The following CFAP77 variants were observed in gnomAD, a reference collection of about 807,000 sequenced individuals.
CFAP77 encodes cilia- and flagella-associated protein 77.
In CFAP77, 25 loss-of-function variants were observed where a neutral mutation model predicts 31.1. The ratio of observed to expected loss-of-function variants is 0.80; its 90% CI spans 0.59 to 1.12. The LOEUF (loss-of-function observed/expected upper bound fraction) is 1.12, where lower values mean the gene tolerates loss of function less well. CFAP77 is among the 50% of genes most tolerant of loss of function. The pLI, the probability that CFAP77 is intolerant of heterozygous loss-of-function variation, is 0.00. For synonymous variants in CFAP77, 151 were observed against 159.9 expected, an observed-to-expected ratio of 0.94 and a Z score of 0.42; for missense variants, 377 against 397.3, an observed-to-expected ratio of 0.95 and a Z score of 0.44.
At chr9:132,538,508 G>A (rs868810069) in intron 4 of CFAP77, among the ~76,000 whole-genome samples, 1 of 152,204 alleles carries the variant, frequency 6.6e-6, no homozygotes, top group Non-Finnish European at 1.5e-5. Flanking sequence ...ACTCAAGGCC[G>A]GGCGCGGTGG....
intron 5 of CFAP77, among the ~76,000 whole-genome samples, chr9:132,570,871 G>T (rs1381868440): frequency 6.6e-6 from 1 of 152,120 alleles, no homozygotes; most frequent in African/African-American, 2.4e-5. Flanking sequence ...GAGGTTGGGG[G>T]TCACCAATTC....
intron 3 of CFAP77, among the ~76,000 whole-genome samples, chr9:132,531,300 C>A (rs1277081199): frequency 3.9e-5 from 6 of 152,188 alleles, no homozygotes; most frequent in Non-Finnish European, 5.9e-5. Context: ...ACCATACCCG[C>A]CCTCGTGATG....
intron 1 of CFAP77, among the ~76,000 whole-genome samples, chr9:132,429,529 C>T (rs1179514318): frequency 3.9e-5 from 4 of 102,442 alleles, no homozygotes; most frequent in Non-Finnish European, 7.1e-5. Context: ...CAGAACGAGA[C>T]TTCAACTCAA....
At chr9:132,549,246 C>T (rs1355418606) in intron 5 of CFAP77, among the ~76,000 whole-genome samples, 2 of 152,224 alleles carry the variant, frequency 1.3e-5, no homozygotes, top group Non-Finnish European at 2.9e-5. Context: ...GGCCGACCCC[C>T]ACAAAGGTGT....
rs933688153 is a variant in CFAP77 at position 132,519,896 on chromosome 9, A to G, written c.525-17705A>G. On this transcript the variant is annotated intron_variant, in intron 3 of 5. Transcript: ENST00000393216. Reference sequence around the variant, plus strand: ...GATGGATGGATGGATAGGTGGATGGATGGGTGGGTGGATGGGAGGATGGGT... The same window carrying G: ...GATGGATGGATGGATAGGTGGATGGGTGGGTGGGTGGATGGGAGGATGGGT... Among the ~76,000 whole-genome samples, 168 of 140,126 alleles carry G rather than the reference A, an allele frequency of 1.2e-3. 2 individuals are homozygous for G. Among genetic ancestry groups the G allele is most frequent in the Admixed American group, 7.8e-4 (11 of 14,106 alleles). 91.9% of individuals were successfully genotyped at this position (140,126 alleles called of 152,430 possible).
chr9:132,461,012 C>T (rs923693229), intron 1 of CFAP77, among the ~76,000 whole-genome samples: 1 of 152,136 alleles, frequency 6.6e-6, no homozygotes, highest in African/African-American at 2.4e-5. Context: ...AGGTGTGAGC[C>T]ACTGTGCCTG....
chr9:132,479,024 G>A (rs1851399446), intron 1 of CFAP77, among the ~76,000 whole-genome samples: 2 of 152,190 alleles, frequency 1.3e-5, no homozygotes, highest in African/African-American at 4.8e-5. Flanking sequence ...TATTTTATAA[G>A]TTGGATCAAG....
chr9:132,486,090 A>ATTTTTT (rs1178281920), intron 1 of CFAP77, among the ~76,000 whole-genome samples: 3 of 15,358 alleles, frequency 2.0e-4, no homozygotes, highest in African/African-American at 4.3e-4. Flanking sequence ...ATATATATAT[A>ATTTTTT]TTTTTTTTTT....
intron 1 of CFAP77, among the ~76,000 whole-genome samples, chr9:132,421,291 C>T (rs969857570): frequency 2.6e-5 from 4 of 151,456 alleles, no homozygotes; most frequent in East Asian, 3.9e-4. Flanking sequence ...CATGCCCGGC[C>T]TTGGGCTGAG....
chr9:132,414,814 A>G (rs148353377), intron 1 of CFAP77, among the ~76,000 whole-genome samples: 2 of 152,310 alleles, frequency 1.3e-5, no homozygotes, highest in African/African-American at 4.8e-5. Flanking sequence ...GATCATTATC[A>G]TTATCATCAC....
intron 5 of CFAP77, among the ~76,000 whole-genome samples, chr9:132,555,454 C>T (rs1215683567): frequency 3.3e-5 from 5 of 152,152 alleles, no homozygotes; most frequent in Admixed American, 2.0e-4. Context: ...ACTGCATGGA[C>T]GGCTCAGCAA....
Position 132,572,447 on chromosome 9 carries a change from C to T in CFAP77, c.792C>T (p.Ala264=), listed in dbSNP as rs746984082. The change falls in exon 6 of 6, where the codon GCC becomes GCT. Residue 264 remains alanine (A), a synonymous_variant. Transcript: ENST00000393216. ...TEADRQRALK[A]HREECAVRQG... ...CCGATCGCCAGAGAGCATTAAAAGC[C>T]CACCGGGAAGAGTGTGCCGTGCGCC... 7.4e-6 allele frequency: 12 copies of T among 1,612,454 alleles called. No individual in the cohort carries two copies. In the East Asian group the frequency reaches 2.0e-4, roughly 27 times the overall value.
intron 5 of CFAP77, among the ~76,000 whole-genome samples, chr9:132,556,172 C>G (rs1852902650): frequency 6.6e-6 from 1 of 152,220 alleles, no homozygotes; most frequent in Admixed American, 6.5e-5. Flanking sequence ...TACCCCAGAT[C>G]TCTAGGGGCC....
In CFAP77 at chr9:132,537,699, A is replaced by C; in HGVS notation, c.623A>C (p.Lys208Thr). The change falls in exon 4 of 6, where the codon AAG becomes ACG. Residue 208 changes from lysine (K) to threonine (T), a missense_variant. Coordinates refer to ENST00000393216, the MANE Select transcript of CFAP77 (RefSeq NM_001282957.2). ...ATQKAIKLEK[K>T]QKVVLGKLYE... ...CAGAAAGCCATCAAACTGGAGAAGA[A>C]GCAGAAGGTAAATGCAGCCCTCGCT... is the stretch of plus-strand genomic sequence containing the variant. The C allele has an allele frequency of 6.2e-7, 1 of 1,612,976 alleles. No homozygotes were observed. Among genetic ancestry groups the C allele is most frequent in the South Asian group, 1.1e-5 (1 of 90,852 alleles).
chr9:132,516,809 T>TA (rs201278454), intron 3 of CFAP77, among the ~76,000 whole-genome samples: 1,709 of 151,302 alleles, frequency 0.011, 23 homozygotes, highest in South Asian at 0.024. Flanking sequence ...AGTTTCAGTT[T>TA]AAAAAAAAAT....
chr9:132,425,023 A>G (rs1041064997), intron 1 of CFAP77, among the ~76,000 whole-genome samples: 1 of 152,256 alleles, frequency 6.6e-6, no homozygotes, highest in African/African-American at 2.4e-5. Context: ...AATAGGCATC[A>G]AAGCCCAGCT....
At chr9:132,486,022 A>ATGTATATGTATGTGTGTGTG (rs1554742555) in intron 1 of CFAP77, among the ~76,000 whole-genome samples, 1 of 25,868 alleles carries the variant, frequency 3.9e-5, no homozygotes, top group African/African-American at 3.2e-4. Flanking sequence ...ATATATATAT[A>ATGTATATGTATGTGTGTGTG]TATATATATA....
chr9:132,511,840 G>A lies in CFAP77; in HGVS notation c.524+12240G>A, dbSNP rs1329079032. Among the ~76,000 whole-genome samples the A allele has an allele frequency of 6.6e-6, 1 of 152,158 alleles. No individual in the cohort carries two copies. The highest frequency in any genetic ancestry group is 1.5e-5 in the Non-Finnish European group (1 of 68,010). ...GGAGGCTGAGGCGGGCGGATCACGA[G>A]GTCAGGAGTTCGACACCAGCCTGAC... On this transcript the variant is annotated intron_variant, in intron 3 of 5. Coordinates refer to ENST00000393216, the MANE Select transcript of CFAP77 (RefSeq NM_001282957.2). The surrounding 1 kb of genome is among the most constrained non-coding windows in gnomAD (Gnocchi z 5.8).
chr9:132,500,558 G>T (rs955523197), intron 3 of CFAP77, among the ~76,000 whole-genome samples: 1 of 152,120 alleles, frequency 6.6e-6, no homozygotes, highest in Non-Finnish European at 1.5e-5. Flanking sequence ...TGCACAAATC[G>T]TGAAGGGTTC....
Sources: allele counts gnomAD v4.1 joint callset (sites outside exome capture counted in the v4.1 genomes callset), GRCh38; gene constraint gnomAD v4.1.1; non-coding constraint Gnocchi (gnomAD v3.1); transcripts MANE v1.5; gene names NCBI Gene and HGNC (gene_info 2026-07-23, HGNC 2026-07-21).